The following SGO2 variants were observed in gnomAD, a reference collection of about 807,000 sequenced individuals.
The protein encoded by SGO2 is shugoshin-like 2.
In SGO2, 68 loss-of-function variants were observed where a neutral mutation model predicts 99.5. The ratio of observed to expected loss-of-function variants is 0.68; its 90% CI spans 0.56 to 0.84. The LOEUF is 0.84. Ranked by LOEUF, SGO2 falls within the 40% of genes least tolerant of loss-of-function variation. SGO2 has a pLI of 0.00. For synonymous variants in SGO2, 457 were observed against 487.1 expected (o/e 0.94, Z 0.81); for missense variants, 1,350 against 1,436.7 (o/e 0.94, Z 0.97).
intron 5 of SGO2, among the ~76,000 whole-genome samples, chr2:200,553,226 A>G (rs1305273495): frequency 3.9e-5 from 6 of 152,214 alleles, no homozygotes; most frequent in Non-Finnish European, 7.3e-5. Flanking sequence ...ATTCCTACAC[A>G]AGGAGTACAA....
intron 5 of SGO2, among the ~76,000 whole-genome samples, chr2:200,559,258 G>GT (rs2032845826): frequency 6.6e-6 from 1 of 152,074 alleles, no homozygotes; most frequent in Admixed American, 6.5e-5. Context: ...TGCTTAATGT[G>GT]TTTTGGGTAT....
intron 2 of SGO2, among the ~76,000 whole-genome samples, chr2:200,534,033 A>C (rs370941074): frequency 6.6e-6 from 1 of 152,166 alleles, no homozygotes; most frequent in Non-Finnish European, 1.5e-5. Flanking sequence ...CTATGCCAAG[A>C]ATGGCTATCC....
chr2:200,560,775 G>C (rs1017969618), intron 5 of SGO2, among the ~76,000 whole-genome samples: 1 of 152,084 alleles, frequency 6.6e-6, no homozygotes. Flanking sequence ...TGGCCTCATG[G>C]GATGAGAAGC....
At position 200,584,013 on chromosome 2, in the gene SGO2, T is replaced by C. The variant is rs992734507; in HGVS notation, c.*549T>C. Among the ~76,000 whole-genome samples, 5 of 152,246 alleles carry C rather than the reference T, an allele frequency of 3.3e-5. No homozygotes were observed. The East Asian group carries it at 9.6e-4, about 29-fold the overall frequency. ...AGGAGGAGATTAACCTTTCAGGCTCTTTTGAATTTGGTTTTTATAATTTGG... is the reference window on the plus strand; with the variant it reads ...AGGAGGAGATTAACCTTTCAGGCTCCTTTGAATTTGGTTTTTATAATTTGG... On this transcript the variant is annotated 3_prime_UTR_variant, in exon 9 of 9. Transcript: ENST00000357799.
At position 200,547,144 on chromosome 2, in the gene SGO2, C is replaced by CTA. The variant is rs202063561; in HGVS notation, c.473+4480_473+4481insTA. 3.8e-3 allele frequency among the ~76,000 whole-genome samples: 571 copies of CTA among 152,206 alleles called. 3 individuals are homozygous for CTA. Among genetic ancestry groups the CTA allele is most frequent in the African/African-American group, 0.013 (542 of 41,536 alleles). ...GCAATGAGAGATAAGAAGCAAATAACACAAAGGAGCTCCAATTCATGGGGC... is the reference window on the plus strand; with the variant it reads ...GCAATGAGAGATAAGAAGCAAATAACTAACAAAGGAGCTCCAATTCATGGGGC... On this transcript the variant is annotated intron_variant, in intron 5 of 8. Coordinates refer to ENST00000357799, the MANE Select transcript of SGO2 (RefSeq NM_152524.6).
chr2:200,566,944 C>G (rs149656013), intron 5 of SGO2, among the ~76,000 whole-genome samples: 204 of 152,268 alleles, frequency 1.3e-3, no homozygotes, highest in Non-Finnish European at 2.3e-3. Flanking sequence ...GTGGGAGTGA[C>G]CCAATTTTCC....
At chr2:200,536,789 G>A (rs1312805030) in intron 4 of SGO2, among the ~76,000 whole-genome samples, 4 of 152,032 alleles carry the variant, frequency 2.6e-5, no homozygotes, top group East Asian at 3.9e-4. Flanking sequence ...TTACTAAGTG[G>A]GGCAGGTGAT....
chr2:200,538,035 TCTTA>T (rs771775136), intron 4 of SGO2, among the ~76,000 whole-genome samples: 9 of 152,220 alleles, frequency 5.9e-5, no homozygotes, highest in Admixed American at 2.0e-4. Context: ...CACTGTTATG[TCTTA>T]CTTACATATT....
intron 1 of SGO2, among the ~76,000 whole-genome samples, chr2:200,527,632 G>A (rs774580956): frequency 2.6e-5 from 4 of 152,318 alleles, no homozygotes; most frequent in African/African-American, 9.6e-5. Flanking sequence ...CATTCCAAGA[G>A]TGGGCGGTTT....
chr2:200,566,807 G>C (rs1371371593), intron 5 of SGO2, among the ~76,000 whole-genome samples: 1 of 152,244 alleles, frequency 6.6e-6, no homozygotes, highest in Non-Finnish European at 1.5e-5. Flanking sequence ...CTGCCTTGCA[G>C]TTCAACCTCA....
rs895299715 is a variant in SGO2 at position 200,572,188 on chromosome 2, G to A, written c.1842G>A (p.Lys614=). Reference sequence around the variant, plus strand: ...AATCAAACATTAATAAGCTTAGAAAGAAAGTAAACCGGAAGACAGAAATAA... The same window carrying A: ...AATCAAACATTAATAAGCTTAGAAAAAAAGTAAACCGGAAGACAGAAATAA... ...QNESNINKLR[K]KVNRKTEIIS... is the part of the protein sequence containing the mutation. The change falls in exon 7 of 9, where the codon AAG becomes AAA. Residue 614 remains lysine, a synonymous_variant. Transcript: ENST00000357799. The A allele has an allele frequency of 6.2e-7, 1 of 1,612,258 alleles. No homozygotes were observed. The highest frequency in any genetic ancestry group is 1.7e-5 in the Admixed American group (1 of 59,810).
intron 4 of SGO2, among the ~76,000 whole-genome samples, chr2:200,536,921 C>G (rs2031722676): frequency 6.6e-6 from 1 of 152,056 alleles, no homozygotes; most frequent in South Asian, 2.1e-4. Context: ...CTCCTTGTAC[C>G]TCATGCAGGT....
chr2:200,556,398 A>T (rs1182252468), intron 5 of SGO2, among the ~76,000 whole-genome samples: 1 of 152,010 alleles, frequency 6.6e-6, no homozygotes, highest in African/African-American at 2.4e-5. Flanking sequence ...ACCAAAGGTA[A>T]CCTCCCAGGT....
At chr2:200,560,017 T>G (rs1232919704) in intron 5 of SGO2, among the ~76,000 whole-genome samples, 1 of 152,314 alleles carries the variant, frequency 6.6e-6, no homozygotes. Context: ...TTTGCAATGG[T>G]TGAACGCAGT....
chr2:200,544,938 A>C (rs2032142746), intron 5 of SGO2, among the ~76,000 whole-genome samples: 1 of 152,172 alleles, frequency 6.6e-6, no homozygotes, highest in Non-Finnish European at 1.5e-5. Context: ...ATAATTAAGA[A>C]GTTAAGTATC....
intron 8 of SGO2, among the ~76,000 whole-genome samples, chr2:200,582,648 T>C (rs1006517875): frequency 3.9e-5 from 6 of 152,128 alleles, no homozygotes; most frequent in African/African-American, 1.4e-4. Context: ...TGTTGTCTAT[T>C]AGAAGCAAAT....
At chr2:200,555,070 C>T (rs565758573) in intron 5 of SGO2, among the ~76,000 whole-genome samples, 5 of 152,308 alleles carry the variant, frequency 3.3e-5, no homozygotes, top group African/African-American at 1.2e-4. Context: ...CTCGAATCTT[C>T]AGCTTTATCC....
chr2:200,583,378 C>T (rs2033900318), intron 8 of SGO2, 71 bp from the exon 9 acceptor site: 3 of 1,339,224 alleles, frequency 2.2e-6, no homozygotes, highest in Non-Finnish European at 3.1e-6. Flanking sequence ...AAACAATTTT[C>T]TTCTCCATGC....
chr2:200,558,496 A>G (rs545492165), intron 5 of SGO2, among the ~76,000 whole-genome samples: 9 of 152,100 alleles, frequency 5.9e-5, no homozygotes, highest in Non-Finnish European at 1.2e-4. Flanking sequence ...GCATTTCTAC[A>G]ATGAACTGCT....
Sources: gnomAD v4.1 joint callset for allele counts (sites outside exome capture counted in the v4.1 genomes callset) on GRCh38, gnomAD v4.1.1 for gene constraint, MANE v1.5 for transcripts, NCBI Gene and HGNC (gene_info 2026-07-23, HGNC 2026-07-21) for gene names.